Variants in GALNT2 observed in about 807,000 individuals in gnomAD.
GALNT2 encodes the protein UDP-GalNAc:polypeptide N-acetylgalactosaminyltransferase 2.
A neutral mutation model predicts 81.4 loss-of-function variants in GALNT2; 31 were observed. That is an observed-to-expected ratio of 0.38 (90% CI 0.29 to 0.51). GALNT2 has a LOEUF of 0.51. Ranked by LOEUF, GALNT2 falls within the 20% of genes least tolerant of loss-of-function variation. The pLI is 0.87. For synonymous variants in GALNT2, 303 were observed against 287.4 expected, an observed-to-expected ratio of 1.05 and a Z score of -0.55; for missense variants, 629 against 765.7, an observed-to-expected ratio of 0.82 and a Z score of 2.11.
intron 1 of GALNT2, among the ~76,000 whole-genome samples, chr1:230,086,878 G>A (rs1312127580): frequency 6.6e-6 from 1 of 152,162 alleles, no homozygotes; most frequent in Non-Finnish European, 1.5e-5. Flanking sequence ...TCAGGTGTCA[G>A]CCCTGCCACT....
chr1:230,266,949 G>A (rs908604467), intron 14 of GALNT2, among the ~76,000 whole-genome samples: 5 of 152,016 alleles, frequency 3.3e-5, no homozygotes, highest in African/African-American at 9.7e-5. Context: ...CAGGTTTGCC[G>A]ACAGATATGA....
In GALNT2 at chr1:230,185,306, G is replaced by A. The variant is rs556916554; in HGVS notation, c.220+6995G>A. Among the ~76,000 whole-genome samples, 33 of 77,292 alleles carry A rather than the reference G, an allele frequency of 4.3e-4. No individual in the cohort carries two copies. In the South Asian group the frequency reaches 7.1e-3, roughly 17 times the overall value. The allele number at this position is 77,292 out of a possible 152,430, so 50.7% of individuals were successfully genotyped here. A position where few individuals can be genotyped will look rare whatever the true frequency, so the allele number is the denominator to read the frequency against. ...TGTGTGTGTGTGTGTGTGTGTGCGC[G>A]CGTGTGTGTGTGTGTTTAACCTCTT... On this transcript the variant is annotated intron_variant, in intron 2 of 15. Coordinates refer to ENST00000366672, the MANE Select transcript of GALNT2 (RefSeq NM_004481.5).
intron 6 of GALNT2, among the ~76,000 whole-genome samples, chr1:230,240,063 A>G (rs1057334477): frequency 7.9e-5 from 12 of 152,266 alleles, no homozygotes; most frequent in Non-Finnish European, 1.8e-4. Context: ...TATTAAATAA[A>G]GAGAAGAATA....
At position 230,136,556 on chromosome 1, in the gene GALNT2, T is replaced by A. The variant is rs1198108135; in HGVS notation, c.127-41662T>A. On this transcript the variant is annotated intron_variant, in intron 1 of 15. Transcript: ENST00000366672. ...CCCCATCCAGAGCCACAGCCTGCCC[T>A]GTCGGAATATGTCCAGCCCTAATGA... 2.0e-5 allele frequency among the ~76,000 whole-genome samples: 3 copies of A among 152,188 alleles called. No homozygotes were observed. In the South Asian group the frequency reaches 6.2e-4, roughly 32 times the overall value.
chr1:230,062,474 C>G (rs1013670621), upstream of GALNT2, among the ~76,000 whole-genome samples: 5 of 152,076 alleles, frequency 3.3e-5, no homozygotes, highest in African/African-American at 1.2e-4. Flanking sequence ...CATCTCAAAC[C>G]GAAACTCCGA....
intron 11 of GALNT2, among the ~76,000 whole-genome samples, chr1:230,256,621 A>C (rs1288088934): frequency 6.6e-6 from 1 of 152,188 alleles, no homozygotes; most frequent in Non-Finnish European, 1.5e-5. Flanking sequence ...TGGAGAGTAG[A>C]TATATTTTAG....
At chr1:230,229,151 A>G (rs571392713) in intron 3 of GALNT2, among the ~76,000 whole-genome samples, 178 of 152,366 alleles carry the variant, frequency 1.2e-3, no homozygotes, top group African/African-American at 4.1e-3. Flanking sequence ...AAAAAGCATC[A>G]TAAACAAAAT....
intron 1 of GALNT2, among the ~76,000 whole-genome samples, chr1:230,129,482 TA>T (rs1418515756): frequency 6.6e-6 from 1 of 152,132 alleles, no homozygotes; most frequent in African/African-American, 2.4e-5. Flanking sequence ...CATGTCTGGC[TA>T]ACTTTTTAAT....
intron 14 of GALNT2, among the ~76,000 whole-genome samples, chr1:230,273,855 GA>G (rs1198632705): frequency 2.0e-5 from 3 of 152,190 alleles, no homozygotes; most frequent in African/African-American, 7.2e-5. Context: ...TGTATTCAAA[GA>G]AATTCATAGA....
chr1:230,080,064 A>G (rs941993273), intron 1 of GALNT2, among the ~76,000 whole-genome samples: 2 of 152,220 alleles, frequency 1.3e-5, no homozygotes, highest in Non-Finnish European at 2.9e-5. Context: ...TCATAATTGC[A>G]GTAGTGTTTG....
intron 3 of GALNT2, among the ~76,000 whole-genome samples, chr1:230,209,176 G>T (rs1664157180): frequency 6.6e-6 from 1 of 152,156 alleles, no homozygotes; most frequent in African/African-American, 2.4e-5. Context: ...AGCCCATACA[G>T]GCCCCACAGG....
chr1:230,188,396 C>T (rs1018639904), intron 2 of GALNT2, among the ~76,000 whole-genome samples: 7 of 152,172 alleles, frequency 4.6e-5, no homozygotes, highest in African/African-American at 1.7e-4. Context: ...CCTGGGAGCA[C>T]GGGATCTGGG....
intron 8 of GALNT2, among the ~76,000 whole-genome samples, chr1:230,248,861 T>G (rs1665456061): frequency 6.6e-6 from 1 of 152,134 alleles, no homozygotes; most frequent in Non-Finnish European, 1.5e-5. Flanking sequence ...CATGCCCTGG[T>G]TATCACCACA....
chr1:230,253,113 G>A (rs977055254), intron 10 of GALNT2, among the ~76,000 whole-genome samples: 4 of 152,094 alleles, frequency 2.6e-5, no homozygotes, highest in Middle Eastern at 3.2e-3. Context: ...CTCCCAAAGT[G>A]TTGGGATTAC....
intron 1 of GALNT2, among the ~76,000 whole-genome samples, chr1:230,093,667 A>G (rs563569991): frequency 6.6e-6 from 1 of 152,346 alleles, no homozygotes; most frequent in African/African-American, 2.4e-5. Context: ...ATTTTAGCCA[A>G]TGACAGATCG....
At chr1:230,108,425 A>G (rs181208541) in intron 1 of GALNT2, among the ~76,000 whole-genome samples, 150 of 152,312 alleles carry the variant, frequency 9.8e-4, no homozygotes, top group Admixed American at 2.1e-3. Flanking sequence ...AAAATATCCT[A>G]AGTCCATAAT....
chr1:230,155,104 A>AC (rs1009049408), intron 1 of GALNT2, among the ~76,000 whole-genome samples: 4 of 151,856 alleles, frequency 2.6e-5, no homozygotes, highest in African/African-American at 7.3e-5. Context: ...CGCCGCATGC[A>AC]CCCCCCACCC....
intron 1 of GALNT2, among the ~76,000 whole-genome samples, chr1:230,078,627 T>G (rs910810428): frequency 6.6e-6 from 1 of 152,158 alleles, no homozygotes; most frequent in Non-Finnish European, 1.5e-5. Flanking sequence ...TTACATTGGT[T>G]GCTGTTTCTT....
At chr1:230,255,690 G>A (rs1665690582) in intron 11 of GALNT2, among the ~76,000 whole-genome samples, 1 of 152,174 alleles carries the variant, frequency 6.6e-6, no homozygotes, top group East Asian at 1.9e-4. Flanking sequence ...CACCAGGGAT[G>A]TTTGGAGGAG....
Sources: gnomAD v4.1 joint callset for allele counts (sites outside exome capture counted in the v4.1 genomes callset) on GRCh38, gnomAD v4.1.1 for gene constraint, MANE v1.5 for transcripts, NCBI Gene and HGNC (gene_info 2026-07-23, HGNC 2026-07-21) for gene names.